Variants in ADAM19 observed in about 807,000 individuals in gnomAD.
The protein encoded by ADAM19 is ADAM metallopeptidase domain 19.
In ADAM19, 65 loss-of-function variants were observed where a neutral mutation model predicts 114.7. The observed-to-expected ratio is 0.57, with a 90% CI of 0.46 to 0.70. ADAM19 has a LOEUF of 0.70. Among genes scored for constraint, ADAM19 ranks in the 30% least tolerant of loss-of-function variants. The probability of loss-of-function intolerance (pLI) is 0.00; values close to 1 mark genes in which losing one functional copy is unlikely to be tolerated. For missense variants in ADAM19, 1,063 were observed against 1,204.7 expected (o/e 0.88, Z 1.74); for synonymous variants, 466 against 460.5 (o/e 1.01, Z -0.15).
intron 3 of ADAM19, among the ~76,000 whole-genome samples, chr5:157,545,917 G>A (rs770806387): frequency 3.3e-5 from 5 of 152,212 alleles, no homozygotes; most frequent in Admixed American, 6.5e-5. Context: ...GCTTGATTTC[G>A]TCACTATTTG....
chr5:157,507,547 G>T (rs1755785199), intron 9 of ADAM19, among the ~76,000 whole-genome samples: 1 of 152,204 alleles, frequency 6.6e-6, no homozygotes, highest in Non-Finnish European at 1.5e-5. Context: ...TCCACCAGCT[G>T]CCGGGATCCA....
intron 10 of ADAM19, 96 bp downstream of exon 10, chr5:157,506,960 A>G (rs1755761301): frequency 9.0e-7 from 1 of 1,117,194 alleles, no homozygotes; most frequent in Non-Finnish European, 1.3e-6. Flanking sequence ...TTTCTGCTAC[A>G]ATAATAAATA....
At chr5:157,520,842 A>G (rs1427560952) in intron 5 of ADAM19, among the ~76,000 whole-genome samples, 2 of 152,176 alleles carry the variant, frequency 1.3e-5, no homozygotes, top group African/African-American at 4.8e-5. Flanking sequence ...CTAGCACTGA[A>G]CTCAGAATAA....
intron 4 of ADAM19, 91 bp downstream of exon 4, chr5:157,537,822 G>T (rs1035420364): frequency 8.4e-6 from 10 of 1,194,310 alleles, no homozygotes; most frequent in Non-Finnish European, 1.2e-5. Flanking sequence ...CTTCAGAGGA[G>T]AGACCAACTC....
chr5:157,569,070 C>A (rs963378507), intron 2 of ADAM19: 1 of 152,060 alleles, frequency 6.6e-6, no homozygotes, highest in Non-Finnish European at 1.5e-5. Flanking sequence ...GGTTGCAATA[C>A]CCAAGATCTT....
intron 3 of ADAM19, among the ~76,000 whole-genome samples, chr5:157,558,027 A>T (rs2902557): frequency 0.03 from 4,511 of 152,314 alleles, 103 homozygotes; most frequent in Non-Finnish European, 0.045. Context: ...CATTTGGGAC[A>T]ACATGGGAAA....
chr5:157,480,826 G>C lies in ADAM19; in HGVS notation c.*123C>G, dbSNP rs1754722744. On this transcript the variant is annotated 3_prime_UTR_variant, in exon 23 of 23. Coordinates refer to ENST00000257527, the MANE Select transcript of ADAM19 (RefSeq NM_033274.5). ...CAGGGAGATTTTTGGAGATGTGGAG[G>C]TTCCTGGAGGAGGGTGGGAGGAGCT... 1.3e-6 allele frequency: 2 copies of C among 1,521,574 alleles called. No homozygotes were observed. Among genetic ancestry groups the C allele is most frequent in the Non-Finnish European group, 1.8e-6 (2 of 1,139,124 alleles). 94.3% of individuals were successfully genotyped at this position (1,521,574 alleles called of 1,614,324 possible).
At chr5:157,521,991 T>C (rs1394833725) in intron 5 of ADAM19, among the ~76,000 whole-genome samples, 1 of 152,142 alleles carries the variant, frequency 6.6e-6, no homozygotes, top group Non-Finnish European at 1.5e-5. Context: ...AAAGTTCCAA[T>C]GGAGGTTCAC....
In ADAM19 at chr5:157,488,289, G is replaced by A. The variant is rs11466804; in HGVS notation, c.2526C>T (p.Pro842=). 6,468 of 1,613,676 alleles carry A rather than the reference G, an allele frequency of 4.0e-3. 228 individuals are homozygous for A. In the African/African-American group the frequency reaches 0.074, roughly 18 times the overall value. ...CCTGGGAAACGATGCAATTTGGTGCGGGGGGAATTGGCCGGCTTGGAGGAG... is the reference window on the plus strand; with the variant it reads ...CCTGGGAAACGATGCAATTTGGTGCAGGGGGAATTGGCCGGCTTGGAGGAG... The part of the protein sequence containing the change: ...RRPPPSRPIP[P]APNCIVSQDF... Residue 842 remains proline, a synonymous_variant, in exon 21 of 23, where the codon CCC becomes CCT. Coordinates refer to ENST00000257527, the MANE Select transcript of ADAM19 (RefSeq NM_033274.5).
At chr5:157,568,518 G>GTAC (rs1271268493) in intron 2 of ADAM19, 1 of 152,116 alleles carries the variant, frequency 6.6e-6, no homozygotes, top group African/African-American at 2.4e-5. Context: ...CTCCTATGAA[G>GTAC]TACAGTAAGC....
In ADAM19 at chr5:157,494,177, T is replaced by C. The variant is rs1196902447; in HGVS notation, c.1703+510A>G. ...ATAGATGGACGGACAGATGGATGGA[T>C]GGATGGATGGATGAGTGGGTGAGTG... On this transcript the variant is annotated intron_variant, in intron 15 of 22. Transcript: ENST00000257527. Among the ~76,000 whole-genome samples the C allele has an allele frequency of 2.0e-5, 3 of 151,910 alleles. No individual in the cohort carries two copies. In the East Asian group the frequency reaches 5.8e-4, roughly 29 times the overall value.
At chr5:157,508,481 T>C (rs1248720440) in intron 9 of ADAM19, among the ~76,000 whole-genome samples, 1 of 152,044 alleles carries the variant, frequency 6.6e-6, no homozygotes, top group Non-Finnish European at 1.5e-5. Context: ...TGGTGGTGCA[T>C]GCCTGCTACT....
At chr5:157,545,250 C>G (rs191037217) in intron 3 of ADAM19, among the ~76,000 whole-genome samples, 195 of 152,312 alleles carry the variant, frequency 1.3e-3, no homozygotes, top group African/African-American at 3.7e-3. Flanking sequence ...ATTGTCAGAG[C>G]CTGCCCAGCA....
intron 20 of ADAM19, among the ~76,000 whole-genome samples, chr5:157,488,851 G>A (rs983716363): frequency 6.6e-6 from 1 of 152,116 alleles, no homozygotes; most frequent in African/African-American, 2.4e-5. Flanking sequence ...CTAACACGGT[G>A]AAACCCCGTC....
chr5:157,489,009 G>A (rs1008658671), intron 20 of ADAM19, 93 bp downstream of exon 20: 24 of 975,310 alleles, frequency 2.5e-5, no homozygotes, highest in Admixed American at 4.1e-5. Flanking sequence ...CAGCCTGGGC[G>A]ACAGGGCAAG....
intron 3 of ADAM19, among the ~76,000 whole-genome samples, chr5:157,559,295 T>C (rs1318376554): frequency 6.6e-6 from 1 of 152,174 alleles, no homozygotes. Flanking sequence ...CCATCATCAT[T>C]TGGACTTGAG....
chr5:157,527,431 C>T (rs188436117), intron 5 of ADAM19, among the ~76,000 whole-genome samples: 290 of 152,150 alleles, frequency 1.9e-3, no homozygotes, highest in Non-Finnish European at 3.5e-3. Context: ...AGGATGGTCT[C>T]GATCTCCTGA....
intron 9 of ADAM19, among the ~76,000 whole-genome samples, chr5:157,508,753 C>A (rs890866209): frequency 2.6e-5 from 4 of 152,196 alleles, no homozygotes; most frequent in African/African-American, 9.7e-5. Flanking sequence ...CACTGTCTCT[C>A]CCAGGCTGAT....
intron 1 of ADAM19, among the ~76,000 whole-genome samples, chr5:157,574,433 G>A (rs1757915389): frequency 1.3e-5 from 2 of 152,126 alleles, no homozygotes; most frequent in Admixed American, 1.3e-4. Context: ...AGCTCAAAGG[G>A]CGGTTCCTTT....
Sources: allele counts gnomAD v4.1 joint callset (sites outside exome capture counted in the v4.1 genomes callset), GRCh38; gene constraint gnomAD v4.1.1; transcripts MANE v1.5; gene names NCBI Gene and HGNC (gene_info 2026-07-23, HGNC 2026-07-21).